The following SP140 variants were observed in gnomAD, a reference collection of about 807,000 sequenced individuals.
The protein encoded by SP140 is nuclear body protein SP140.
In SP140, 81 loss-of-function variants were observed where a neutral mutation model predicts 125.0. The observed-to-expected ratio is 0.65, with a 90% CI of 0.54 to 0.78. The LOEUF (loss-of-function observed/expected upper bound fraction) is 0.78. Among genes scored for constraint, SP140 ranks in the 30% least tolerant of loss-of-function variants. The probability of loss-of-function intolerance (pLI) is 0.00; values close to 1 mark genes in which losing one functional copy is unlikely to be tolerated. For missense variants in SP140, 858 were observed against 1,037.0 expected (o/e 0.83, Z 2.37); for synonymous variants, 312 against 354.0 (o/e 0.88, Z 1.33).
chr2:230,274,113 A>T (rs1256601409), intron 15 of SP140, among the ~76,000 whole-genome samples: 8 of 48,572 alleles, frequency 1.6e-4, no homozygotes, highest in African/African-American at 2.8e-4. Context: ...TTAAAGTATA[A>T]AAAAAAAAAA....
At chr2:230,199,929 A>G (rs1284554509), upstream of SP140, among the ~76,000 whole-genome samples, 1 of 152,200 alleles carries the variant, frequency 6.6e-6, no homozygotes, top group Non-Finnish European at 1.5e-5. Context: ...ACCCGGTGGC[A>G]GCCAGCCCTT....
At chr2:230,250,274 T>C (rs1231558976) in intron 9 of SP140, among the ~76,000 whole-genome samples, 1 of 152,222 alleles carries the variant, frequency 6.6e-6, no homozygotes, top group Non-Finnish European at 1.5e-5. Flanking sequence ...GACGCGGTGA[T>C]CTTTGCTGCA....
intron 16 of SP140, among the ~76,000 whole-genome samples, chr2:230,285,119 G>C (rs1228456483): frequency 1.3e-5 from 2 of 152,150 alleles, no homozygotes; most frequent in African/African-American, 4.8e-5. Flanking sequence ...ATCCTCATCT[G>C]TGGCTATCTC....
rs780351382 is a variant in SP140, at chr2:230,311,136, G to A, written c.2284-18G>A. 1.1e-4 allele frequency: 172 copies of A among 1,608,428 alleles called. No individual in the cohort carries two copies. The Admixed American group carries it at 1.8e-3, about 17-fold the overall frequency. ...TCTCTCCAAGCTGCTTTTCATTTAC[G>A]GCCTCTTTCTTTTGCAGAAATGTGA... is the stretch of plus-strand genomic sequence containing the variant. On this transcript the variant is annotated intron_variant, in intron 24 of 26. Transcript: ENST00000392045.
At chr2:230,291,275 T>C (rs73106379) in intron 19 of SP140, among the ~76,000 whole-genome samples, 1,602 of 152,364 alleles carry the variant, frequency 0.011, 44 homozygotes, top group African/African-American at 0.037. Flanking sequence ...TAAACAGCTT[T>C]ACTGAGATAT....
chr2:230,216,999 A>ACT, intron 3 of SP140: 1 of 1,389,896 alleles, frequency 7.2e-7, no homozygotes, highest in South Asian at 1.2e-5. Flanking sequence ...TAATCCCGGC[A>ACT]CTTTGGGAGG....
chr2:230,263,464 T>C (rs13422994), intron 12 of SP140, among the ~76,000 whole-genome samples: 18,760 of 152,262 alleles, frequency 0.12, 1,255 homozygotes, highest in African/African-American at 0.14. Flanking sequence ...TCAATGTTAG[T>C]ATTAAAATGT....
rs371256904 is a variant in SP140, at chr2:230,294,272, A to G, written c.1970A>G (p.Asn657Ser). ...TACCTGAATCTTTTTGTCTTTCAGA[A>G]TGGATTTCTGCCTGATCCTCCAAGA... ...GGWPLRWLME[N>S]GFLPDPPRIR... Residue 657 changes from asparagine to serine, a missense_variant and splice_region_variant, in exon 21 of 27, where the codon AAT becomes AGT. By Grantham distance (46) the Asn-to-Ser change is conservative. Transcript: ENST00000392045. The G allele has an allele frequency of 1.4e-5, 23 of 1,613,154 alleles. No individual in the cohort carries two copies. Among genetic ancestry groups the G allele is most frequent in the Non-Finnish European group, 1.8e-5 (21 of 1,179,224 alleles).
At chr2:230,286,359 T>C (rs1290457353) in intron 17 of SP140, among the ~76,000 whole-genome samples, 1 of 152,152 alleles carries the variant, frequency 6.6e-6, no homozygotes, top group East Asian at 1.9e-4. Flanking sequence ...CTGGAACACA[T>C]ATAGTTGGGG....
intron 8 of SP140, 151 bp from the exon 9 acceptor site, chr2:230,248,734 G>A (rs2049895962): frequency 1.6e-6 from 1 of 627,604 alleles, no homozygotes. Flanking sequence ...GAATTACAGA[G>A]AAGGAGAAAG....
At chr2:230,230,905 T>C (rs1388458831) in intron 1 of SP140, among the ~76,000 whole-genome samples, 2 of 152,260 alleles carry the variant, frequency 1.3e-5, no homozygotes, top group Non-Finnish European at 2.9e-5. Context: ...TTTCTGAAAT[T>C]ATTCCAGCAT....
intron 3 of SP140, among the ~76,000 whole-genome samples, chr2:230,240,265 T>G (rs1456615881): frequency 6.6e-6 from 1 of 152,068 alleles, no homozygotes; most frequent in African/African-American, 2.4e-5. Context: ...AGGCAGTAAT[T>G]TGCTATACAG....
chr2:230,293,553 T>C (rs1457365350), intron 20 of SP140, among the ~76,000 whole-genome samples: 2 of 152,042 alleles, frequency 1.3e-5, no homozygotes, highest in East Asian at 3.9e-4. Context: ...GCCAGGCTGA[T>C]CTCGAATTCC....
At position 230,211,367 on chromosome 2, in the gene SP140, A is replaced by C; in HGVS notation, c.-322-2287A>C. 1.2e-6 allele frequency: 1 copy of C among 804,160 alleles called. No homozygotes were observed. The highest frequency in any genetic ancestry group is 2.2e-6 in the Non-Finnish European group (1 of 452,762). The allele number at this position is 804,160 out of a possible 1,614,324, so 49.8% of individuals were successfully genotyped here. A position where few individuals can be genotyped will look rare whatever the true frequency, so the allele number is the denominator to read the frequency against. ...ACTGGAAGCTGGGCCAAGATTGCTG[A>C]GAGGCAGGAGGAGAGCCCCCTCTCT... On this transcript the variant is annotated intron_variant, in intron 1 of 4. Coordinates refer to the SP140 transcript ENST00000456542. This position sits in a 1 kb window ranked among gnomAD's most constrained non-coding sequence, Gnocchi z 4.2.
intron 6 of SP140, among the ~76,000 whole-genome samples, 161 bp from the exon 7 acceptor site, chr2:230,245,702 C>T (rs1019964522): frequency 1.3e-5 from 2 of 151,990 alleles, no homozygotes; most frequent in Non-Finnish European, 2.9e-5. Context: ...GGAAAGGGGC[C>T]TGACAAGGTG....
intron 22 of SP140, among the ~76,000 whole-genome samples, chr2:230,307,245 G>A (rs2058846853): frequency 1.3e-5 from 2 of 152,220 alleles, no homozygotes; most frequent in South Asian, 2.1e-4. Flanking sequence ...CTACTGCTCG[G>A]TAAAGCTCCT....
intron 1 of SP140, among the ~76,000 whole-genome samples, chr2:230,207,410 T>C (rs1285338976): frequency 6.6e-6 from 1 of 152,170 alleles, no homozygotes. Flanking sequence ...AGCACTCATA[T>C]ATATAAGGAG....
intron 12 of SP140, among the ~76,000 whole-genome samples, chr2:230,258,368 G>T (rs915319979): frequency 6.6e-6 from 1 of 152,188 alleles, no homozygotes; most frequent in Admixed American, 6.5e-5. Flanking sequence ...ATACGTTAAT[G>T]GAATGGCAGA....
intron 22 of SP140, among the ~76,000 whole-genome samples, chr2:230,302,115 C>G (rs1448753252): frequency 6.6e-6 from 1 of 152,054 alleles, no homozygotes; most frequent in South Asian, 2.1e-4. Flanking sequence ...CTGTGGAGTT[C>G]CCAAATTTAC....
Sources: gnomAD v4.1 joint callset for allele counts (sites outside exome capture counted in the v4.1 genomes callset) on GRCh38, gnomAD v4.1.1 for gene constraint, Gnocchi (gnomAD v3.1) non-coding constraint, MANE v1.5 for transcripts, NCBI Gene and HGNC (gene_info 2026-07-23, HGNC 2026-07-21) for gene names.